The following ROBO2 variants were observed in gnomAD, a reference collection of about 807,000 sequenced individuals.
ROBO2 encodes roundabout guidance receptor 2.
In ROBO2, 53 loss-of-function variants were observed where a neutral mutation model predicts 160.8. The observed-to-expected ratio is 0.33, with a 90% confidence interval of 0.26 to 0.41. The LOEUF (loss-of-function observed/expected upper bound fraction) is 0.41, where lower values mean the gene tolerates loss of function less well. Among genes scored for constraint, ROBO2 ranks in the 10% least tolerant of loss-of-function variants. The pLI, the probability that ROBO2 is intolerant of heterozygous loss-of-function variation, is 1.00. For missense variants in ROBO2, 1,577 were observed against 1,722.4 expected (o/e 0.92, Z 1.49); for synonymous variants, 664 against 611.7 (o/e 1.09, Z -1.26).
intron 2 of ROBO2, among the ~76,000 whole-genome samples, chr3:76,328,908 T>TTTTATATATATATATATATA (rs1370335347): frequency 2.9e-5 from 4 of 136,026 alleles, no homozygotes; most frequent in African/African-American, 1.1e-4. Flanking sequence ...ATTTATGTTA[T>TTTTATATATATATATATATA]TATATATATA....
chr3:77,426,045 A>G (rs2078168631), intron 2 of ROBO2, among the ~76,000 whole-genome samples: 1 of 152,100 alleles, frequency 6.6e-6, no homozygotes, highest in African/African-American at 2.4e-5. Context: ...TATTTTCTAA[A>G]GATTCCTGGG....
chr3:76,825,046 G>C (rs1297164726), intron 2 of ROBO2, among the ~76,000 whole-genome samples: 2 of 152,198 alleles, frequency 1.3e-5, no homozygotes, highest in Non-Finnish European at 2.9e-5. Context: ...TGTAAGGTGA[G>C]TATGACTCAG....
chr3:77,034,369 AT>A (rs1319336390), intron 2 of ROBO2, among the ~76,000 whole-genome samples: 1 of 141,798 alleles, frequency 7.1e-6, no homozygotes, highest in Non-Finnish European at 1.5e-5. Flanking sequence ...AGAACTTAGT[AT>A]TCTTTGTTAA....
chr3:76,640,632 C>T (rs952978529), intron 2 of ROBO2, among the ~76,000 whole-genome samples: 5 of 145,136 alleles, frequency 3.4e-5, no homozygotes, highest in East Asian at 2.0e-4. Flanking sequence ...TGTGTGTGGC[C>T]GGGGGATGTG....
At chr3:76,165,609 C>G (rs1323567562) in intron 2 of ROBO2, among the ~76,000 whole-genome samples, 1 of 152,102 alleles carries the variant, frequency 6.6e-6, no homozygotes, top group African/African-American at 2.4e-5. Context: ...TGCGAGTAGC[C>G]TAGCTTTTAG....
chr3:76,041,448 C>T (rs2067270385), intron 2 of ROBO2, among the ~76,000 whole-genome samples: 2 of 152,020 alleles, frequency 1.3e-5, no homozygotes, highest in South Asian at 2.1e-4. Flanking sequence ...TTCTAATTCT[C>T]CTGTCTAATC....
intron 2 of ROBO2, among the ~76,000 whole-genome samples, chr3:76,958,374 AT>A (rs943624394): frequency 5.3e-5 from 8 of 152,200 alleles, no homozygotes; most frequent in African/African-American, 1.7e-4. Flanking sequence ...ACAGTTTGTG[AT>A]TTTTATCTGT....
upstream of ROBO2, among the ~76,000 whole-genome samples, chr3:77,036,281 G>A (rs775206605): frequency 5.9e-5 from 9 of 151,906 alleles, no homozygotes; most frequent in Non-Finnish European, 1.3e-4. Flanking sequence ...TCCCTGACAC[G>A]TGGTTAGTGC....
At chr3:76,179,310 C>A (rs1445418453) in intron 2 of ROBO2, among the ~76,000 whole-genome samples, 2 of 152,086 alleles carry the variant, frequency 1.3e-5, no homozygotes, top group African/African-American at 4.8e-5. Flanking sequence ...ACTTTCAAAG[C>A]ACTGCTATTT....
At chr3:76,426,130 G>A (rs983029787) in intron 2 of ROBO2, among the ~76,000 whole-genome samples, 2 of 152,064 alleles carry the variant, frequency 1.3e-5, no homozygotes, top group African/African-American at 4.8e-5. Flanking sequence ...AAGAGGAGAG[G>A]AGAAATCCGG....
intron 2 of ROBO2, among the ~76,000 whole-genome samples, chr3:76,253,805 G>A (rs775289992): frequency 1.3e-4 from 20 of 151,416 alleles, no homozygotes; most frequent in Non-Finnish European, 2.4e-4. Context: ...AATCTCTCTT[G>A]GTGTGAAAGA....
At chr3:76,703,072 C>G (rs1318634091) in intron 2 of ROBO2, among the ~76,000 whole-genome samples, 1 of 152,100 alleles carries the variant, frequency 6.6e-6, no homozygotes, top group Non-Finnish European at 1.5e-5. Flanking sequence ...TATCATGAAC[C>G]ACTACTAGTG....
intron 8 of ROBO2, among the ~76,000 whole-genome samples, chr3:77,555,271 T>C (rs2093071032): frequency 6.6e-6 from 1 of 152,022 alleles, no homozygotes; most frequent in African/African-American, 2.4e-5. Context: ...GCCTTCCTTA[T>C]TGCAATATTT....
intron 2 of ROBO2, among the ~76,000 whole-genome samples, chr3:76,361,771 C>T (rs749856464): frequency 1.3e-5 from 2 of 151,908 alleles, no homozygotes; most frequent in Non-Finnish European, 2.9e-5. Flanking sequence ...AAGAAACACA[C>T]CGTGAAGTAT....
At position 77,634,602 on chromosome 3, in the gene ROBO2, G is replaced by A. The variant is rs2095231299; in HGVS notation, c.3761-268G>A. 3 of 454,614 alleles carry A rather than the reference G, an allele frequency of 6.6e-6. No individual in the cohort carries two copies. The South Asian group carries it at 7.0e-5, about 11-fold the overall frequency. The allele number at this position is 454,614 out of a possible 1,614,324, so 28.2% of individuals were successfully genotyped here. On this transcript the variant is annotated intron_variant, in intron 23 of 25. Transcript: ENST00000461745. Reference sequence around the variant, plus strand: ...TAAAAGTATAATCATGCAATATTGAGTTGTGGATTGGTGGATCTGTTTTAT... The same window carrying A: ...TAAAAGTATAATCATGCAATATTGAATTGTGGATTGGTGGATCTGTTTTAT...
At chr3:75,974,395 G>A (rs1324540516) in intron 2 of ROBO2, among the ~76,000 whole-genome samples, 1 of 151,572 alleles carries the variant, frequency 6.6e-6, no homozygotes, top group Non-Finnish European at 1.5e-5. Flanking sequence ...AGCATAATAG[G>A]AAGAAATATT....
At chr3:77,377,808 C>T (rs2072893642) in intron 2 of ROBO2, among the ~76,000 whole-genome samples, 1 of 152,166 alleles carries the variant, frequency 6.6e-6, no homozygotes, top group Non-Finnish European at 1.5e-5. Flanking sequence ...CTTACCTTAA[C>T]CCTTTCCCAT....
intron 2 of ROBO2, among the ~76,000 whole-genome samples, chr3:76,595,011 C>A (rs191821927): frequency 1.3e-5 from 2 of 151,934 alleles, no homozygotes; most frequent in Admixed American, 1.3e-4. Context: ...GGGGTGGAGC[C>A]CTCATGAATG....
chr3:76,508,102 C>T (rs78519494), intron 2 of ROBO2, among the ~76,000 whole-genome samples: 3,525 of 152,158 alleles, frequency 0.023, 56 homozygotes, highest in South Asian at 0.045. Flanking sequence ...ATTTCAAGTA[C>T]GGTGTGACTT....
Sources: gnomAD v4.1 joint callset for allele counts (sites outside exome capture counted in the v4.1 genomes callset) on GRCh38, gnomAD v4.1.1 for gene constraint, MANE v1.5 for transcripts, NCBI Gene and HGNC (gene_info 2026-07-23, HGNC 2026-07-21) for gene names.